The following HAVCR2 variants were observed in gnomAD, a reference collection of about 807,000 sequenced individuals.
The protein encoded by HAVCR2 is hepatitis A virus cellular receptor 2.
A neutral mutation model predicts 24.7 loss-of-function variants in HAVCR2; 13 were observed. The observed-to-expected ratio is 0.53, with a 90% CI of 0.34 to 0.84. The LOEUF is 0.84. HAVCR2 is among the 40% of genes least tolerant of loss of function. The pLI is 0.01. For synonymous variants in HAVCR2, 154 were observed against 143.4 expected, an observed-to-expected ratio of 1.07 and a Z score of -0.53; for missense variants, 343 against 371.2, an observed-to-expected ratio of 0.92 and a Z score of 0.62.
At chr5:157,103,621 G>A (rs1396771655) in intron 3 of HAVCR2, among the ~76,000 whole-genome samples, 1 of 152,152 alleles carries the variant, frequency 6.6e-6, no homozygotes, top group Non-Finnish European at 1.5e-5. Flanking sequence ...GCTAAAACCA[G>A]TAACTATAGT....
At chr5:157,104,844 C>A (rs1229856412) in intron 2 of HAVCR2, 95 bp from the exon 3 acceptor site, 2 of 847,732 alleles carry the variant, frequency 2.4e-6, no homozygotes, top group Non-Finnish European at 3.8e-6. Flanking sequence ...ATGCGAAAGA[C>A]AATTAAGAAA....
At chr5:157,100,519 C>T (rs1281445750) in intron 3 of HAVCR2, among the ~76,000 whole-genome samples, 1 of 152,186 alleles carries the variant, frequency 6.6e-6, no homozygotes, top group African/African-American at 2.4e-5. Context: ...GGGCACAGGC[C>T]CTGACCTCAT....
Position 157,086,001 on chromosome 5 carries a change from T to G in HAVCR2, c.*1101A>C, listed in dbSNP as rs1390562659. ...CTGGTAATATAGATTGCTGAAGGCCTTTGCCTTCTTTCCACCAGGCAACAG... is the reference window on the plus strand; with the variant it reads ...CTGGTAATATAGATTGCTGAAGGCCGTTGCCTTCTTTCCACCAGGCAACAG... On this transcript the variant is annotated 3_prime_UTR_variant, in exon 7 of 7. Transcript: ENST00000307851. The G allele has an allele frequency of 6.6e-6, 1 of 152,202 alleles. No homozygotes were observed. Among genetic ancestry groups the G allele is most frequent in the Admixed American group, 6.5e-5 (1 of 15,274 alleles). 9.4% of individuals were successfully genotyped at this position (152,202 alleles called of 1,614,324 possible).
chr5:157,098,149 G>A (rs552229214), intron 4 of HAVCR2, among the ~76,000 whole-genome samples: 1 of 152,200 alleles, frequency 6.6e-6, no homozygotes, highest in East Asian at 1.9e-4. Flanking sequence ...GCTCACGCCT[G>A]CAATCTCAGC....
At chr5:157,093,407 G>C (rs1757041125) in intron 5 of HAVCR2, among the ~76,000 whole-genome samples, 1 of 152,230 alleles carries the variant, frequency 6.6e-6, no homozygotes, top group South Asian at 2.1e-4. Flanking sequence ...GCACTTGGCA[G>C]CTTCAGTCCA....
At chr5:157,090,584 T>C (rs1162471774) in intron 5 of HAVCR2, among the ~76,000 whole-genome samples, 1 of 152,018 alleles carries the variant, frequency 6.6e-6, no homozygotes, top group African/African-American at 2.4e-5. Context: ...AATCTCAATA[T>C]GTTGCCCAGG....
chr5:157,086,926 T>C lies in HAVCR2; in HGVS notation c.*176A>G. On this transcript the variant is annotated 3_prime_UTR_variant, in exon 7 of 7. Transcript: ENST00000307851. The stretch of plus-strand genomic sequence containing the variant: ...TGGCTTAAATACAGAGGCAATGACA[T>C]GCCTGTTTAAGTTCAGTGCAGGTCC... 1 of 580,588 alleles carries C rather than the reference T, an allele frequency of 1.7e-6. No individual in the cohort carries two copies. Among genetic ancestry groups the C allele is most frequent in the Non-Finnish European group, 3.0e-6 (1 of 336,502 alleles). The allele number at this position is 580,588 out of a possible 1,614,324, so 36.0% of individuals were successfully genotyped here. A position where few individuals can be genotyped will look rare whatever the true frequency, so the allele number is the denominator to read the frequency against.
intron 1 of HAVCR2, among the ~76,000 whole-genome samples, chr5:157,107,875 T>A (rs1018716945): frequency 2.7e-5 from 4 of 145,494 alleles, no homozygotes; most frequent in African/African-American, 7.5e-5. Flanking sequence ...CCCCCTTTTT[T>A]ATGTGAAAAC....
intron 4 of HAVCR2, among the ~76,000 whole-genome samples, chr5:157,096,472 T>C (rs1038514180): frequency 4.6e-5 from 7 of 152,000 alleles, no homozygotes; most frequent in Non-Finnish European, 1.0e-4. Context: ...GTTCTCTCTT[T>C]TTCTCTCTTT....
chr5:157,097,164 A>G (rs1001143945), intron 4 of HAVCR2, among the ~76,000 whole-genome samples: 18 of 152,142 alleles, frequency 1.2e-4, no homozygotes, highest in African/African-American at 4.3e-4. Flanking sequence ...AGAAGGAGCA[A>G]ATACAAGATG....
rs1757262849 is a variant in HAVCR2, at chr5:157,106,974, GAGA to G, written c.59-15_59-13del. The G allele has an allele frequency of 1.3e-6, 2 of 1,594,348 alleles. No individual in the cohort carries two copies. Among genetic ancestry groups the G allele is most frequent in the African/African-American group, 1.3e-5 (1 of 74,452 alleles). On this transcript the variant is annotated splice_polypyrimidine_tract_variant and intron_variant, in intron 1 of 6. Coordinates refer to ENST00000307851, the MANE Select transcript of HAVCR2 (RefSeq NM_032782.5). Reference sequence around the variant, plus strand: ...CACTTCTGAGGACCCTGCATAGAGAGAGAAGGAGAGCCAAGACTCAAGCGGTGA... The same window carrying G: ...CACTTCTGAGGACCCTGCATAGAGAGAGGAGAGCCAAGACTCAAGCGGTGA...
At chr5:157,099,801 T>G (rs1757144461) in intron 3 of HAVCR2, among the ~76,000 whole-genome samples, 1 of 152,122 alleles carries the variant, frequency 6.6e-6, no homozygotes, top group African/African-American at 2.4e-5. Context: ...GTTCAAGCGA[T>G]TCTCCTGCCT....
In HAVCR2 at chr5:157,106,774, A is replaced by T. The variant is rs754336008; in HGVS notation, c.247T>A (p.Trp83Arg). 1 of 1,614,196 alleles carries T rather than the reference A, an allele frequency of 6.2e-7. No individual in the cohort carries two copies. The highest frequency in any genetic ancestry group is 8.5e-7 in the Non-Finnish European group (1 of 1,180,040). Residue 83 changes from tryptophan (W) to arginine (R), a missense_variant, in exon 2 of 7, where the codon TGG becomes AGG. Trp to Arg is a moderately radical substitution (Grantham distance 101, BLOSUM62 -3). Transcript: ENST00000307851. ...RDVNYWTSRY[W>R]LNGDFRKGDV... ...CCTTTGCGGAAATCCCCATTTAGCCAGTATCTGGATGTCCAATAATTCACA... is the reference window on the plus strand; with the variant it reads ...CCTTTGCGGAAATCCCCATTTAGCCTGTATCTGGATGTCCAATAATTCACA...
chr5:157,092,878 CAAAAAAAAAAAAAAAAAAA>C (rs556443053), intron 5 of HAVCR2, among the ~76,000 whole-genome samples: 28 of 44,044 alleles, frequency 6.4e-4, no homozygotes, highest in East Asian at 1.5e-3. Flanking sequence ...CTGTCTCTAC[CAAAAAAAAAAAAAAAAAAA>C]AAAAAAAAAA....
At position 157,104,748 on chromosome 5, in the gene HAVCR2, G is replaced by A. The variant is rs1757221756; in HGVS notation, c.396C>T (p.Ala132=). ...GCCGAGTCGGTGCAGGGGTGACCTT[G>A]GCTAATGTCAGAAACAACATAAGGA... ...KFNLKLVIKP[A]KVTPAPTRQR... The change falls in exon 3 of 7, where the codon GCC becomes GCT. Residue 132 remains alanine, a splice_region_variant and synonymous_variant. Transcript: ENST00000307851. 1 of 1,589,686 alleles carries A rather than the reference G, an allele frequency of 6.3e-7. No individual in the cohort carries two copies. The highest frequency in any genetic ancestry group is 8.6e-7 in the Non-Finnish European group (1 of 1,164,932).
intron 1 of HAVCR2, among the ~76,000 whole-genome samples, chr5:157,108,543 G>T (rs1757284504): frequency 6.6e-6 from 1 of 151,826 alleles, no homozygotes. Flanking sequence ...GAAAAGAAAA[G>T]AAAAATATGC....
At chr5:157,108,704 C>G (rs564222737) in intron 1 of HAVCR2, among the ~76,000 whole-genome samples, 88 of 152,186 alleles carry the variant, frequency 5.8e-4, no homozygotes, top group South Asian at 1.5e-3. Flanking sequence ...TCTTTAATAA[C>G]ATTATAATTT....
At position 157,087,062 on chromosome 5, in the gene HAVCR2, A is replaced by C. The variant is rs1255341043; in HGVS notation, c.*40T>G. 2.5e-6 allele frequency: 4 copies of C among 1,594,944 alleles called. No individual in the cohort carries two copies. Among genetic ancestry groups the C allele is most frequent in the Non-Finnish European group, 2.6e-6 (3 of 1,167,320 alleles). ...AGGTGACACAGCTCATAGTTTCTGA[A>C]AAAGACAAAACACCAAGCTCAAAAA... On this transcript the variant is annotated 3_prime_UTR_variant, in exon 7 of 7. Coordinates refer to ENST00000307851, the MANE Select transcript of HAVCR2 (RefSeq NM_032782.5).
In HAVCR2 at chr5:157,097,442, TA is replaced by T. The variant is rs550854713; in HGVS notation, c.522+1415del. ...GCCAAATTTTAAAAAATATTTTTTG[TA>T]GAGACAGGGTGTCACTATGTGGCCC... On this transcript the variant is annotated intron_variant, in intron 4 of 6. Transcript: ENST00000307851. Among the ~76,000 whole-genome samples the T allele has an allele frequency of 1.6e-4, 24 of 152,096 alleles. No homozygotes were observed. The East Asian group carries it at 4.6e-3, about 29-fold the overall frequency.
Sources: gnomAD v4.1 joint callset for allele counts (sites outside exome capture counted in the v4.1 genomes callset) on GRCh38, gnomAD v4.1.1 for gene constraint, MANE v1.5 for transcripts, NCBI Gene and HGNC (gene_info 2026-07-23, HGNC 2026-07-21) for gene names.